Variants in SLC4A11 observed in about 807,000 individuals in gnomAD.
SLC4A11 encodes solute carrier family 4 member 11, also known as bicarbonate transporter related protein 1.
In SLC4A11, 74 loss-of-function variants were observed where a neutral mutation model predicts 95.0. That is an observed-to-expected ratio of 0.78 (90% CI 0.65 to 0.95). The LOEUF (loss-of-function observed/expected upper bound fraction) is 0.95. Among genes scored for constraint, SLC4A11 ranks in the 40% least tolerant of loss-of-function variants. The probability of loss-of-function intolerance (pLI) is 0.00; values close to 1 mark genes in which losing one functional copy is unlikely to be tolerated. For missense variants in SLC4A11, 1,081 were observed against 1,192.4 expected, an observed-to-expected ratio of 0.91 and a Z score of 1.38; for synonymous variants, 548 against 519.0, an observed-to-expected ratio of 1.06 and a Z score of -0.76.
intron 12 of SLC4A11, 89 bp downstream of exon 12, chr20:3,230,426 G>A (rs1353130553): frequency 6.2e-7 from 1 of 1,601,848 alleles, no homozygotes; most frequent in African/African-American, 1.3e-5. Context: ...GCAATATGGT[G>A]GGGGCACCCC....
In SLC4A11 at chr20:3,231,384, C is replaced by T. The variant is rs780168759; in HGVS notation, c.894G>A (p.Ala298=). 4.3e-5 allele frequency: 70 copies of T among 1,613,956 alleles called. No homozygotes were observed. The highest frequency in any genetic ancestry group is 5.4e-5 in the Non-Finnish European group (64 of 1,180,032). The change falls in exon 8 of 20, where the codon GCG becomes GCA. Residue 298 remains alanine (A), a synonymous_variant. Transcript: ENST00000642402. The surrounding 1 kb of genome is among the most constrained non-coding windows in gnomAD (Gnocchi z 5.2). ...CTGTGCTGCGTTCCTTCGTTCTCGGCGCCACTGGACCGTGGCTCACCATGG... is the reference window on the plus strand; with the variant it reads ...CTGTGCTGCGTTCCTTCGTTCTCGGTGCCACTGGACCGTGGCTCACCATGG... The part of the protein sequence containing the change: ...LLTMVSHGPV[A]PRTKERSTVS...
intron 1 of SLC4A11, chr20:3,238,200 G>A (rs540272513): frequency 5.8e-5 from 83 of 1,421,988 alleles, no homozygotes; most frequent in Non-Finnish European, 7.1e-5. Flanking sequence ...AGAACAATTG[G>A]GGGTGGGAGG....
intron 7 of SLC4A11, among the ~76,000 whole-genome samples, chr20:3,232,026 G>A (rs1001688908): frequency 1.3e-5 from 2 of 152,162 alleles, no homozygotes; most frequent in African/African-American, 2.4e-5. Flanking sequence ...AACCAGGTCA[G>A]CAGATCACCG....
At chr20:3,235,559 TG>T (rs2067955626) in intron 2 of SLC4A11, among the ~76,000 whole-genome samples, 1 of 152,090 alleles carries the variant, frequency 6.6e-6, no homozygotes, top group African/African-American at 2.4e-5. Context: ...CTTCATGTTC[TG>T]GGGGCCCTGG....
At chr20:3,238,375 C>T in intron 1 of SLC4A11, 1 of 984,880 alleles carries the variant, frequency 1.0e-6, no homozygotes, top group Non-Finnish European at 1.2e-6. Context: ...GGGGTCGGGG[C>T]GCAGGATGTG....
rs2067769952 is a variant in SLC4A11, at chr20:3,231,345, G to A, written c.933C>T (p.Ala311=). 1 of 1,614,014 alleles carries A rather than the reference G, an allele frequency of 6.2e-7. No individual in the cohort carries two copies. The highest frequency in any genetic ancestry group is 8.5e-7 in the Non-Finnish European group (1 of 1,180,024). ...TKERSTVSLP[A]HRHPEPPKCK... Reference sequence around the variant, plus strand: ...TACCCTGTACCTCTGGGTGTCTGTGGGCAGGGAGGGAGACTGTGCTGCGTT... The same window carrying A: ...TACCCTGTACCTCTGGGTGTCTGTGAGCAGGGAGGGAGACTGTGCTGCGTT... Residue 311 remains alanine (A), a synonymous_variant, in exon 8 of 20, where the codon GCC becomes GCT. Transcript: ENST00000642402. This position sits in a 1 kb window ranked among gnomAD's most constrained non-coding sequence, Gnocchi z 5.2.
intron 1 of SLC4A11, chr20:3,238,347 C>T: frequency 1.0e-6 from 1 of 985,436 alleles, no homozygotes; most frequent in Non-Finnish European, 1.2e-6. Flanking sequence ...GAAAGCGCCT[C>T]CAGACTCGGA....
chr20:3,239,164 C>A lies in SLC4A11; in HGVS notation c.-27G>T, dbSNP rs889545306. 3 of 1,444,686 alleles carry A rather than the reference C, an allele frequency of 2.1e-6. No homozygotes were observed. The highest frequency in any genetic ancestry group is 3.1e-5 in the East Asian group (1 of 32,392). 89.5% of individuals were successfully genotyped at this position (1,444,686 alleles called of 1,614,324 possible). Reference sequence around the variant, plus strand: ...GCACACTCGCGCACTCACGGCCGGGCTCCTCACGCGGCGCTCCGGCGCTTC... The same window carrying A: ...GCACACTCGCGCACTCACGGCCGGGATCCTCACGCGGCGCTCCGGCGCTTC... On this transcript the variant is annotated 5_prime_UTR_variant, in exon 1 of 20. Transcript: ENST00000642402.
rs869320721 is a variant in SLC4A11 at position 3,234,173 on chromosome 20, TGGCGAAGC to T, written c.425_432del (p.Arg142GlnfsTer4). ...TTGGGCTCATTGTTGTCAGGGTCCC[TGGCGAAGC>T]GGCGAAGCATGGTCCGCAGCACGTT... On this transcript the variant is annotated frameshift_variant, in exon 5 of 20. Transcript: ENST00000642402. LOFTEE classifies it high-confidence loss of function. This position sits in a 1 kb window ranked among gnomAD's most constrained non-coding sequence, Gnocchi z 5.8. 1.5e-5 allele frequency: 25 copies of T among 1,613,818 alleles called. 1 individual carries two copies. Among genetic ancestry groups the T allele is most frequent in the South Asian group, 3.3e-5 (3 of 91,084 alleles).
chr20:3,236,316 A>G (rs1406485285), intron 2 of SLC4A11, among the ~76,000 whole-genome samples: 1 of 152,210 alleles, frequency 6.6e-6, no homozygotes, highest in African/African-American at 2.4e-5. Context: ...ATATTAGGTC[A>G]AAAGACATCC....
At position 3,229,625 on chromosome 20, in the gene SLC4A11, C is replaced by A. The variant is rs1289684124; in HGVS notation, c.1641G>T (p.Leu547=). The A allele has an allele frequency of 1.9e-6, 3 of 1,613,050 alleles. No homozygotes were observed. In the South Asian group the frequency reaches 3.3e-5, roughly 18 times the overall value. Residue 547 remains leucine, a synonymous_variant, in exon 14 of 20, where the codon CTG becomes CTT. Transcript: ENST00000642402. ...CCTGGCCTGAGTGTGTGGCCGAGGG[C>A]AGCTCCGTGGGGCTGGCGAGGAAGC... ...NASFLASPTE[L]PSATHSGQAT... is the part of the protein sequence containing the mutation.
intron 1 of SLC4A11, chr20:3,238,192 A>G (rs1199780305): frequency 9.1e-6 from 13 of 1,428,770 alleles, no homozygotes; most frequent in Middle Eastern, 2.6e-4. Flanking sequence ...CAAAAGGGAG[A>G]ACAATTGGGG....
At position 3,234,220 on chromosome 20, in the gene SLC4A11, G is replaced by A; in HGVS notation, c.386C>T (p.Ala129Val). The A allele has an allele frequency of 6.2e-7, 1 of 1,614,092 alleles. No individual in the cohort carries two copies. Among genetic ancestry groups the A allele is most frequent in the Non-Finnish European group, 8.5e-7 (1 of 1,180,040 alleles). Residue 129 changes from alanine to valine, a missense_variant, in exon 5 of 20, where the codon GCC becomes GTC. Coordinates refer to ENST00000642402, the MANE Select transcript of SLC4A11 (RefSeq NM_001174089.2). The surrounding 1 kb of genome is among the most constrained non-coding windows in gnomAD (Gnocchi z 5.8). Reference sequence around the variant, plus strand: ...CCGCAGCACGTTATCCAGGGAGGTGGCCGTCTCGTTCAGGACGATGCTGGC... The same window carrying A: ...CCGCAGCACGTTATCCAGGGAGGTGACCGTCTCGTTCAGGACGATGCTGGC... Reference protein sequence around the residue: ...AQASIVLNETATSLDNVLRTM... With the variant: ...AQASIVLNETVTSLDNVLRTM...
In SLC4A11 at chr20:3,231,942, G is replaced by A. The variant is rs1298952553; in HGVS notation, c.730-394C>T. On this transcript the variant is annotated intron_variant, in intron 7 of 19. Transcript: ENST00000642402. The surrounding 1 kb of genome is among the most constrained non-coding windows in gnomAD (Gnocchi z 5.2). ...CAAAGTGCTGGGATTACAGGCACGA[G>A]CCACTGTGCCCAGATGCTGGTAGCA... 4.6e-5 allele frequency among the ~76,000 whole-genome samples: 7 copies of A among 152,376 alleles called. No individual in the cohort carries two copies. The highest frequency in any genetic ancestry group is 8.8e-5 in the Non-Finnish European group (6 of 68,036).
chr20:3,231,177 G>GAA lies in SLC4A11; in HGVS notation c.1012_1013dup (p.Pro339SerfsTer58). On this transcript the variant is annotated frameshift_variant, in exon 9 of 20. Coordinates refer to ENST00000642402, the MANE Select transcript of SLC4A11 (RefSeq NM_001174089.2). LOFTEE classifies it high-confidence loss of function. This position sits in a 1 kb window ranked among gnomAD's most constrained non-coding sequence, Gnocchi z 5.2. ...CAGTGAAGTCCAAGGGGTACAAGGGGAACCTGCGTGCGATGTCCTCCCGGA... is the reference window on the plus strand; with the variant it reads ...CAGTGAAGTCCAAGGGGTACAAGGGGAAAACCTGCGTGCGATGTCCTCCCGGA... The GAA allele has an allele frequency of 6.2e-7, 1 of 1,614,160 alleles. No individual in the cohort carries two copies. Among genetic ancestry groups the GAA allele is most frequent in the Non-Finnish European group, 8.5e-7 (1 of 1,180,036 alleles).
chr20:3,231,260 G>A lies in SLC4A11; in HGVS notation c.949-18C>T, dbSNP rs771849664. The stretch of plus-strand genomic sequence containing the variant: ...TTTGGGGGCTGGAGGAGAGGACAGA[G>A]CGCCTGTTAGCCCTGTCCGGCCCAT... On this transcript the variant is annotated intron_variant, in intron 8 of 19. Transcript: ENST00000642402. This position sits in a 1 kb window ranked among gnomAD's most constrained non-coding sequence, Gnocchi z 5.2. 3.1e-6 allele frequency: 5 copies of A among 1,613,662 alleles called. No individual in the cohort carries two copies. The highest frequency in any genetic ancestry group is 2.2e-5 in the East Asian group (1 of 44,872).
chr20:3,228,215 C>T (rs2067605487), intron 19 of SLC4A11, 44 bp downstream of exon 19: 2 of 1,583,908 alleles, frequency 1.3e-6, no homozygotes, highest in South Asian at 1.1e-5. Context: ...CCATTCTCCA[C>T]ACCTAGACTG....
In SLC4A11 at chr20:3,230,168, G is replaced by A. The variant is rs1157331342; in HGVS notation, c.1489+19C>T. 2 of 1,613,214 alleles carry A rather than the reference G, an allele frequency of 1.2e-6. No individual in the cohort carries two copies. Among genetic ancestry groups the A allele is most frequent in the Admixed American group, 1.7e-5 (1 of 60,028 alleles). On this transcript the variant is annotated intron_variant, in intron 13 of 19. Coordinates refer to ENST00000642402, the MANE Select transcript of SLC4A11 (RefSeq NM_001174089.2). ...CGGCTGAGCGCCCTGTTCAGCAGGT[G>A]GCCCCCAGCCGCACTCACTTTTAAC...
intron 13 of SLC4A11, 135 bp from the exon 14 acceptor site, chr20:3,229,911 A>G (rs1037122585): frequency 1.6e-6 from 2 of 1,236,972 alleles, no homozygotes; most frequent in South Asian, 2.5e-5. Flanking sequence ...ATGCACCCAC[A>G]CTCCTGCCCA....
Sources: gnomAD v4.1 joint callset for allele counts (sites outside exome capture counted in the v4.1 genomes callset) on GRCh38, gnomAD v4.1.1 for gene constraint, Gnocchi (gnomAD v3.1) non-coding constraint, MANE v1.5 for transcripts, NCBI Gene and HGNC (gene_info 2026-07-23, HGNC 2026-07-21) for gene names.